The following TACC2 variants were observed in gnomAD, a reference collection of about 807,000 sequenced individuals.
The protein encoded by TACC2 is transforming acidic coiled-coil-containing protein 2.
In TACC2, 137 loss-of-function variants were observed where a neutral mutation model predicts 227.3. That is an observed-to-expected ratio of 0.60 (90% confidence interval 0.52 to 0.69). The LOEUF (loss-of-function observed/expected upper bound fraction) is 0.69, where lower values mean the gene tolerates loss of function less well. Among genes scored for constraint, TACC2 ranks in the 30% least tolerant of loss-of-function variants. TACC2 has a pLI of 0.00. For missense variants in TACC2, 3,470 were observed against 3,694.4 expected (o/e 0.94, Z 1.57); for synonymous variants, 1,523 against 1,487.5 (o/e 1.02, Z -0.55).
chr10:122,110,779 TAATAAATTACCACAAAACTAG>T (rs1444091078), intron 5 of TACC2, among the ~76,000 whole-genome samples: 4 of 73,142 alleles, frequency 5.5e-5, no homozygotes, highest in Admixed American at 3.2e-4. Flanking sequence ...GTGATTGCCA[TAATAAATTACCACAAAACTAG>T]TAATTTTGGC....
chr10:122,227,897 C>T lies in TACC2; in HGVS notation c.7785C>T (p.Val2595=), dbSNP rs2095659514. Residue 2595 remains valine, a synonymous_variant, in exon 14 of 23, where the codon GTC becomes GTT. Transcript: ENST00000369005. The part of the protein sequence containing the change: ...VNTAAKNQHP[V]PRGLAPNQES... The stretch of plus-strand genomic sequence containing the variant: ...CTGCTGCGAAAAACCAGCATCCTGT[C>T]CCACGAGGACTGGCCCCTAACCAAG... 1 of 1,614,136 alleles carries T rather than the reference C, an allele frequency of 6.2e-7. No homozygotes were observed. The highest frequency in any genetic ancestry group is 1.1e-5 in the South Asian group (1 of 91,094).
At chr10:122,176,863 G>A (rs1192353804) in intron 7 of TACC2, among the ~76,000 whole-genome samples, 3 of 152,180 alleles carry the variant, frequency 2.0e-5, no homozygotes, top group Non-Finnish European at 2.9e-5. Context: ...AGAAGGGTCC[G>A]AAGAGGGAAG....
At chr10:122,237,774 G>A (rs907006749) in intron 17 of TACC2, among the ~76,000 whole-genome samples, 187 bp from the exon 18 acceptor site, 15 of 152,222 alleles carry the variant, frequency 9.9e-5, no homozygotes, top group Non-Finnish European at 1.8e-4. Flanking sequence ...AGTGGGCACT[G>A]TGAAAGTCTG....
intron 19 of TACC2, 107 bp downstream of exon 19, chr10:122,242,108 G>A (rs751446853): frequency 3.8e-5 from 39 of 1,039,918 alleles, no homozygotes; most frequent in Non-Finnish European, 5.1e-5. Context: ...AGAGCGTGAA[G>A]CCTTTCAGGG....
intron 18 of TACC2, among the ~76,000 whole-genome samples, chr10:122,240,278 C>T (rs776664927): frequency 2.0e-5 from 3 of 152,170 alleles, no homozygotes; most frequent in Admixed American, 6.5e-5. Context: ...TCTATCACAG[C>T]TTGGTGATTC....
chr10:122,130,652 A>C (rs1171123049), intron 5 of TACC2, among the ~76,000 whole-genome samples: 1 of 152,206 alleles, frequency 6.6e-6, no homozygotes, highest in African/African-American at 2.4e-5. Flanking sequence ...TCCTGGGGTC[A>C]GGCTTGGGTT....
At chr10:122,054,226 G>A (rs535356141) in intron 3 of TACC2, among the ~76,000 whole-genome samples, 3 of 152,328 alleles carry the variant, frequency 2.0e-5, no homozygotes, top group Non-Finnish European at 4.4e-5. Context: ...ACGTGGTGGC[G>A]CTGTTGTAAC....
rs762909149 is a variant in TACC2 at position 122,083,945 on chromosome 10, C to T, written c.1445C>T (p.Pro482Leu). 8 of 1,613,872 alleles carry T rather than the reference C, an allele frequency of 5.0e-6. No individual in the cohort carries two copies. Among genetic ancestry groups the T allele is most frequent in the Non-Finnish European group, 6.8e-6 (8 of 1,180,014 alleles). Residue 482 changes from proline to leucine, a missense_variant, in exon 4 of 23, where the codon CCA becomes CTA. By Grantham distance (98) the Pro-to-Leu change is moderately conservative. Coordinates refer to ENST00000369005, the MANE Select transcript of TACC2 (RefSeq NM_206862.4). ...GATCTTGGAAGCAAGGGAGAGCATCCAGAAGGGGACCCTGGAGAGGTTCCT... is the reference window on the plus strand; with the variant it reads ...GATCTTGGAAGCAAGGGAGAGCATCTAGAAGGGGACCCTGGAGAGGTTCCT... Reference protein sequence around the residue: ...VSDLGSKGEHPEGDPGEVPAP... With the variant: ...VSDLGSKGEHLEGDPGEVPAP...
At chr10:122,033,093 G>A in intron 2 of TACC2, 1 of 1,289,216 alleles carries the variant, frequency 7.8e-7, no homozygotes, top group Non-Finnish European at 1.0e-6. Context: ...TTGCATTTCA[G>A]CAGGAGGACT....
At chr10:122,036,273 A>T (rs1203768204) in intron 2 of TACC2, among the ~76,000 whole-genome samples, 5 of 151,134 alleles carry the variant, frequency 3.3e-5, no homozygotes, top group African/African-American at 1.2e-4. Context: ...GCTCACTGCA[A>T]GCTCTGCCTC....
intron 5 of TACC2, among the ~76,000 whole-genome samples, chr10:122,122,041 G>T (rs866723638): frequency 1.1e-4 from 17 of 152,134 alleles, no homozygotes; most frequent in African/African-American, 3.6e-4. Context: ...CTTGAGTCTC[G>T]ATCTCCTCTC....
At chr10:122,116,738 GC>G (rs1228348732) in intron 5 of TACC2, among the ~76,000 whole-genome samples, 9 of 152,176 alleles carry the variant, frequency 5.9e-5, no homozygotes, top group Admixed American at 2.6e-4. Context: ...ACCTGCTGTA[GC>G]CTGTGTGCAT....
chr10:122,090,616 C>T (rs937668517), intron 5 of TACC2, among the ~76,000 whole-genome samples: 8 of 150,560 alleles, frequency 5.3e-5, no homozygotes, highest in African/African-American at 2.0e-4. Context: ...ACCACAATAC[C>T]TACCAATTAT....
intron 5 of TACC2, among the ~76,000 whole-genome samples, chr10:122,104,511 G>A (rs2082527380): frequency 6.6e-6 from 1 of 152,076 alleles, no homozygotes; most frequent in African/African-American, 2.4e-5. Flanking sequence ...TGTGATTACA[G>A]GCGCTTGCCA....
At position 122,150,317 on chromosome 10, in the gene TACC2, G is replaced by A. The variant is rs1260952452; in HGVS notation, c.5834+6611G>A. On this transcript the variant is annotated intron_variant, in intron 7 of 22. Transcript: ENST00000369005. This position sits in a 1 kb window ranked among gnomAD's most constrained non-coding sequence, Gnocchi z 4.0. ...CATATGGGCAGGCATCTGTGAGGGC[G>A]TGGCTGGACGTGCTCAGCACAGCAC... Among the ~76,000 whole-genome samples, 1 of 152,220 alleles carries A rather than the reference G, an allele frequency of 6.6e-6. No homozygotes were observed. Among genetic ancestry groups the A allele is most frequent in the Non-Finnish European group, 1.5e-5 (1 of 68,038 alleles).
intron 7 of TACC2, among the ~76,000 whole-genome samples, chr10:122,144,649 A>C (rs903028187): frequency 6.6e-6 from 1 of 152,218 alleles, no homozygotes; most frequent in Non-Finnish European, 1.5e-5. Flanking sequence ...GTAGTAGAGA[A>C]ATCAGAGGAA....
chr10:122,085,335 G>A lies in TACC2; in HGVS notation c.2835G>A (p.Gly945=), dbSNP rs1428005203. 1.2e-6 allele frequency: 2 copies of A among 1,614,040 alleles called. No homozygotes were observed. Among genetic ancestry groups the A allele is most frequent in the Non-Finnish European group, 1.7e-6 (2 of 1,180,034 alleles). The change falls in exon 4 of 23, where the codon GGG becomes GGA. Residue 945 remains glycine, a synonymous_variant. Coordinates refer to ENST00000369005, the MANE Select transcript of TACC2 (RefSeq NM_206862.4). ...CGAGACAGAAGTTGCCTGCACTAGG[G>A]GAGAAGCGGCCAGAGGGAGCATGCG... The part of the protein sequence containing the change: ...APTRQKLPAL[G]EKRPEGACGD...
At chr10:122,232,237 G>A (rs957431531) in intron 16 of TACC2, among the ~76,000 whole-genome samples, 4 of 152,202 alleles carry the variant, frequency 2.6e-5, no homozygotes, top group Admixed American at 2.0e-4. Flanking sequence ...CATCCTTGGG[G>A]CCTAAAGACA....
At chr10:122,206,884 G>T (rs2095128470) in intron 8 of TACC2, among the ~76,000 whole-genome samples, 1 of 152,192 alleles carries the variant, frequency 6.6e-6, no homozygotes. Context: ...ACACCCCCCA[G>T]TGGCTGATGT....
Sources: allele counts gnomAD v4.1 joint callset (sites outside exome capture counted in the v4.1 genomes callset), GRCh38; gene constraint gnomAD v4.1.1; non-coding constraint Gnocchi (gnomAD v3.1); transcripts MANE v1.5; gene names NCBI Gene and HGNC (gene_info 2026-07-23, HGNC 2026-07-21).